Variants in ZMYND11 observed in about 807,000 individuals in gnomAD.
The protein encoded by ZMYND11 is zinc finger MYND domain-containing protein 11.
ZMYND11 carries 9 observed loss-of-function variants against 84.9 expected under a neutral mutation model. The observed-to-expected ratio is 0.11, with a 90% CI of 0.06 to 0.18. ZMYND11 has a LOEUF of 0.18. ZMYND11 is among the 10% of genes least tolerant of loss of function. The pLI is 1.00. For synonymous variants in ZMYND11, 250 were observed against 244.1 expected (o/e 1.02, Z -0.23); for missense variants, 409 against 761.0 (o/e 0.54, Z 5.44).
chr10:149,282 GTTGTTA>G (rs1470557937), intron 1 of ZMYND11, among the ~76,000 whole-genome samples: 6 of 108,242 alleles, frequency 5.5e-5, no homozygotes, highest in African/African-American at 1.7e-4. Flanking sequence ...CACTGAGGTG[GTTGTTA>G]TTATTATTAT....
rs552967808 is a variant in ZMYND11, at chr10:248,549, C to T, written c.1441C>T (p.Arg481Trp). 6.2e-7 allele frequency: 1 copy of T among 1,613,740 alleles called. No homozygotes were observed. Among genetic ancestry groups the T allele is most frequent in the Non-Finnish European group, 8.5e-7 (1 of 1,179,990 alleles). Residue 481 changes from arginine (R) to tryptophan (W), a missense_variant, in exon 13 of 15, where the codon CGG (arginine) becomes TGG (tryptophan). By Grantham distance (101) the Arg-to-Trp change is moderately radical. Coordinates refer to ENST00000381604, the MANE Select transcript of ZMYND11 (RefSeq NM_001370100.5). ...CAAGATCTTCAATGACTTCAAAGACCGGATGAAGTCGGACCACAAGCGGGA... is the reference window on the plus strand; with the variant it reads ...CAAGATCTTCAATGACTTCAAAGACTGGATGAAGTCGGACCACAAGCGGGA... Reference protein sequence around the residue: ...YTKIFNDFKDRMKSDHKRETE... With the variant: ...YTKIFNDFKDWMKSDHKRETE...
intron 1 of ZMYND11, among the ~76,000 whole-genome samples, chr10:160,949 CTTTTTTTTTTTTTTTTT>C (rs57227207): frequency 9.8e-6 from 1 of 102,260 alleles, no homozygotes; most frequent in Non-Finnish European, 1.9e-5. Context: ...AAATTACTTA[CTTTTTTTTTTTTTTTTT>C]TTTTTTTTTT....
chr10:225,021 A>T lies in ZMYND11; in HGVS notation c.438+3665A>T, dbSNP rs138442040. Among the ~76,000 whole-genome samples, 402 of 152,346 alleles carry T rather than the reference A, an allele frequency of 2.6e-3. 1 individual carries two copies. The highest frequency in any genetic ancestry group is 9.1e-3 in the African/African-American group (378 of 41,592). ...TTTCCAGGAAAAAAATAAGAAAATC[A>T]TACTCTTTTGTGAAAATTGCTTTTA... On this transcript the variant is annotated intron_variant, in intron 4 of 14. Coordinates refer to ENST00000381604, the MANE Select transcript of ZMYND11 (RefSeq NM_001370100.5).
intron 3 of ZMYND11, among the ~76,000 whole-genome samples, chr10:217,853 G>A (rs1006846406): frequency 2.0e-5 from 3 of 152,154 alleles, no homozygotes; most frequent in Non-Finnish European, 2.9e-5. Context: ...GCGAATGCCA[G>A]GGCCAGGATT....
At chr10:178,234 A>G (rs1208402213) in intron 1 of ZMYND11, among the ~76,000 whole-genome samples, 6 of 152,172 alleles carry the variant, frequency 3.9e-5, no homozygotes, top group African/African-American at 9.7e-5. Flanking sequence ...CCAGTTTTAG[A>G]TTATTTTCTT....
intron 14 of ZMYND11, chr10:249,380 T>TATA: frequency 8.9e-7 from 1 of 1,119,308 alleles, no homozygotes; most frequent in East Asian, 5.2e-5. Flanking sequence ...TGCATATATT[T>TATA]TATTTGGGCA....
chr10:236,822 CTTTTT>C lies in ZMYND11; in HGVS notation c.439-11_439-7del. 6.4e-7 allele frequency: 1 copy of C among 1,573,120 alleles called. No homozygotes were observed. Among genetic ancestry groups the C allele is most frequent in the African/African-American group, 1.4e-5 (1 of 72,986 alleles). ...ATCAGATTTTGTACCTTTTTTTATT[CTTTTT>C]TTTTCAATAGAGCATTAAGAAGAAG... On this transcript the variant is annotated splice_polypyrimidine_tract_variant and intron_variant, in intron 4 of 14. Coordinates refer to ENST00000381604, the MANE Select transcript of ZMYND11 (RefSeq NM_001370100.5).
chr10:192,986 GTTTA>G (rs1375791870), intron 2 of ZMYND11, among the ~76,000 whole-genome samples: 2 of 152,000 alleles, frequency 1.3e-5, no homozygotes, highest in Non-Finnish European at 2.9e-5. Context: ...TCTGTCATCT[GTTTA>G]TTTAACTTTT....
At chr10:249,503 T>C in intron 14 of ZMYND11, 1 of 984,830 alleles carries the variant, frequency 1.0e-6, no homozygotes, top group Non-Finnish European at 1.2e-6. Context: ...GCACTTAACA[T>C]TTATACATTA....
Position 252,741 on chromosome 10 carries a change from T to C in ZMYND11, c.*271T>C. ...CATTTTCAGCAAATTTTAAAACATT[T>C]TTAGGTTTTACAGAGATTTTAACCT... On this transcript the variant is annotated 3_prime_UTR_variant, in exon 15 of 15. Transcript: ENST00000381604. The surrounding 1 kb of genome is among the most constrained non-coding windows in gnomAD (Gnocchi z 4.6). 1 of 309,950 alleles carries C rather than the reference T, an allele frequency of 3.2e-6. No individual in the cohort carries two copies. The allele number at this position is 309,950 out of a possible 1,614,324, so 19.2% of individuals were successfully genotyped here. A position where few individuals can be genotyped will look rare whatever the true frequency, so the allele number is the denominator to read the frequency against.
chr10:226,731 C>A (rs769452954), intron 4 of ZMYND11, among the ~76,000 whole-genome samples: 1 of 152,030 alleles, frequency 6.6e-6, no homozygotes, highest in Non-Finnish European at 1.5e-5. Flanking sequence ...AATGGAATAC[C>A]GCTCCACTGA....
chr10:161,476 C>T (rs1389987444), intron 1 of ZMYND11, among the ~76,000 whole-genome samples: 1 of 152,206 alleles, frequency 6.6e-6, no homozygotes, highest in Non-Finnish European at 1.5e-5. Flanking sequence ...CATTAAGAGT[C>T]AGCCTGTCCT....
intron 4 of ZMYND11, among the ~76,000 whole-genome samples, chr10:230,362 A>G (rs1210134385): frequency 6.6e-6 from 1 of 151,308 alleles, no homozygotes; most frequent in African/African-American, 2.4e-5. Flanking sequence ...AGTCCCAGCT[A>G]CTCAGGAGGC....
At chr10:136,533 C>T (rs1194254659) in intron 1 of ZMYND11, among the ~76,000 whole-genome samples, 1 of 152,120 alleles carries the variant, frequency 6.6e-6, no homozygotes, top group Non-Finnish European at 1.5e-5. Context: ...GTATCTTCCT[C>T]GCTTAGGCTG....
intron 4 of ZMYND11, among the ~76,000 whole-genome samples, chr10:234,446 A>G (rs2131631725): frequency 6.6e-6 from 1 of 152,340 alleles, no homozygotes; most frequent in African/African-American, 2.4e-5. Context: ...TGAATATTAA[A>G]ATTATATTTC....
intron 1 of ZMYND11, among the ~76,000 whole-genome samples, chr10:160,279 C>G (rs1842664736): frequency 2.6e-5 from 4 of 152,212 alleles, no homozygotes; most frequent in Admixed American, 2.6e-4. Flanking sequence ...AAGTGTGCAA[C>G]AACAGTTATG....
rs748625897 is a variant in ZMYND11 at position 247,018 on chromosome 10, A to C, written c.1158+45A>C. On this transcript the variant is annotated intron_variant, in intron 11 of 14. Transcript: ENST00000381604. The stretch of plus-strand genomic sequence containing the variant: ...GAAGTGCCTATTCATTATTACTTTT[A>C]AATGCAGAAATCTTAGTGCACACTC... The C allele has an allele frequency of 5.5e-5, 84 of 1,519,566 alleles. No individual in the cohort carries two copies. In the South Asian group the frequency reaches 9.9e-4, roughly 18 times the overall value. 94.1% of individuals were successfully genotyped at this position (1,519,566 alleles called of 1,614,324 possible). A position where few individuals can be genotyped will look rare whatever the true frequency, so the allele number is the denominator to read the frequency against.
chr10:247,540 A>C (rs1252616598), intron 12 of ZMYND11, 74 bp downstream of exon 12: 1 of 1,465,020 alleles, frequency 6.8e-7, no homozygotes, highest in South Asian at 1.2e-5. Flanking sequence ...TGTATTTTCA[A>C]AGTATTTCAA....
At chr10:138,918 A>G (rs1374820458) in intron 1 of ZMYND11, among the ~76,000 whole-genome samples, 1 of 152,150 alleles carries the variant, frequency 6.6e-6, no homozygotes, top group Non-Finnish European at 1.5e-5. Flanking sequence ...ATCTTGGCTC[A>G]CTGCAGCCTC....
Sources: allele counts gnomAD v4.1 joint callset (sites outside exome capture counted in the v4.1 genomes callset), GRCh38; gene constraint gnomAD v4.1.1; non-coding constraint Gnocchi (gnomAD v3.1); transcripts MANE v1.5; gene names NCBI Gene and HGNC (gene_info 2026-07-23, HGNC 2026-07-21).